Variants in DOCK4 observed in about 807,000 individuals in gnomAD.
DOCK4 encodes the protein dedicator of cytokinesis protein 4.
Under a neutral mutation model 268.1 loss-of-function variants are expected in DOCK4, and 97 were observed. The ratio of observed to expected loss-of-function variants is 0.36; its 90% CI spans 0.31 to 0.43. The LOEUF (loss-of-function observed/expected upper bound fraction) is 0.43, where lower values mean the gene tolerates loss of function less well. DOCK4 is among the 20% of genes least tolerant of loss of function. DOCK4 has a pLI of 1.00. For missense variants in DOCK4, 2,145 were observed against 2,455.7 expected (o/e 0.87, Z 2.67); for synonymous variants, 954 against 887.2 (o/e 1.08, Z -1.34).
chr7:111,943,378 T>C (rs926068119), intron 10 of DOCK4, among the ~76,000 whole-genome samples: 6 of 152,174 alleles, frequency 3.9e-5, no homozygotes, highest in Admixed American at 3.3e-4. Context: ...TTGCTGCATG[T>C]TTTTTTACCA....
intron 15 of DOCK4, among the ~76,000 whole-genome samples, chr7:111,896,503 T>C (rs73715294): frequency 5.3e-5 from 8 of 151,614 alleles, no homozygotes; most frequent in African/African-American, 1.2e-4. Flanking sequence ...TTTTTTTTTT[T>C]TTTCCTCCAA....
intron 1 of DOCK4, among the ~76,000 whole-genome samples, chr7:112,099,826 G>C (rs259304): frequency 0.38 from 58,439 of 151,900 alleles, 11,494 homozygotes; most frequent in Non-Finnish European, 0.43. Flanking sequence ...GGTATTTGAA[G>C]CCATTATAAC....
In DOCK4 at chr7:112,123,900, A is replaced by C. The variant is rs535171485; in HGVS notation, c.37+82202T>G. Among the ~76,000 whole-genome samples the C allele has an allele frequency of 1.1e-4, 16 of 152,354 alleles. No homozygotes were observed. The South Asian group carries it at 2.9e-3, about 28-fold the overall frequency. On this transcript the variant is annotated intron_variant, in intron 1 of 52. Coordinates refer to ENST00000428084, the MANE Select transcript of DOCK4 (RefSeq NM_001363540.2). ...GATAAAAGGGATCTAACTAGAAGTA[A>C]CAGAAGGACTGTCTATAGTTATATG...
At chr7:111,896,013 C>CA (rs749152767) in intron 15 of DOCK4, among the ~76,000 whole-genome samples, 5 of 152,240 alleles carry the variant, frequency 3.3e-5, no homozygotes, top group South Asian at 4.1e-4. Context: ...CCCAAAGTCC[C>CA]ATTGAGGGCA....
At chr7:111,760,574 T>G (rs1300136817) in intron 39 of DOCK4, among the ~76,000 whole-genome samples, 1 of 152,164 alleles carries the variant, frequency 6.6e-6, no homozygotes, top group African/African-American at 2.4e-5. Flanking sequence ...TTGCATGAGG[T>G]GCAAAGAGGT....
intron 23 of DOCK4, among the ~76,000 whole-genome samples, chr7:111,847,679 C>CT (rs1169618561): frequency 6.6e-6 from 1 of 152,182 alleles, no homozygotes; most frequent in Non-Finnish European, 1.5e-5. Context: ...TCCCTTTTCA[C>CT]TTGGCTTCAT....
chr7:111,995,785 A>G (rs1801869622), intron 4 of DOCK4, among the ~76,000 whole-genome samples: 1 of 152,168 alleles, frequency 6.6e-6, no homozygotes, highest in South Asian at 2.1e-4. Context: ...ACAGAGTTTC[A>G]TCTCCTCATT....
chr7:111,932,317 A>G (rs1192858529), intron 12 of DOCK4, among the ~76,000 whole-genome samples: 1 of 152,216 alleles, frequency 6.6e-6, no homozygotes, highest in Non-Finnish European at 1.5e-5. Flanking sequence ...ACTACATGTG[A>G]AAAGTCAGAA....
intron 1 of DOCK4, among the ~76,000 whole-genome samples, chr7:112,164,866 GTAC>G (rs1817452473): frequency 6.6e-6 from 1 of 152,170 alleles, no homozygotes; most frequent in African/African-American, 2.4e-5. Context: ...CCACTACAGA[GTAC>G]TGGGAAAATG....
intron 30 of DOCK4, among the ~76,000 whole-genome samples, chr7:111,802,996 C>T (rs1030401697): frequency 6.6e-6 from 1 of 152,082 alleles, no homozygotes; most frequent in Non-Finnish European, 1.5e-5. Context: ...CTTTATCACA[C>T]CTAAAAAAGA....
At chr7:112,166,660 T>C (rs1429358467) in intron 1 of DOCK4, among the ~76,000 whole-genome samples, 1 of 152,112 alleles carries the variant, frequency 6.6e-6, no homozygotes, top group African/African-American at 2.4e-5. Flanking sequence ...CTAGAACTAT[T>C]AGTATTTTTT....
At chr7:111,987,237 G>GT (rs1176128017) in intron 6 of DOCK4, among the ~76,000 whole-genome samples, 1 of 152,100 alleles carries the variant, frequency 6.6e-6, no homozygotes, top group African/African-American at 2.4e-5. Flanking sequence ...CAGAACTTAC[G>GT]TAAGTCAAAA....
intron 1 of DOCK4, among the ~76,000 whole-genome samples, chr7:112,067,217 ATCAGAAAAAAAAAACAC>A (rs2135643316): frequency 6.7e-6 from 1 of 149,992 alleles, no homozygotes; most frequent in African/African-American, 2.5e-5. Context: ...TATATTTATA[ATCAGAAAAAAAAAACAC>A]CTTTACTTAA....
intron 1 of DOCK4, among the ~76,000 whole-genome samples, chr7:112,122,681 ATT>A (rs776311573): frequency 5.9e-5 from 9 of 152,004 alleles, no homozygotes; most frequent in Non-Finnish European, 1.3e-4. Flanking sequence ...ATATATTTGA[ATT>A]TGTCATTTTT....
chr7:111,952,774 C>T (rs915141382), intron 8 of DOCK4, among the ~76,000 whole-genome samples: 3 of 152,090 alleles, frequency 2.0e-5, no homozygotes, highest in Admixed American at 1.3e-4. Context: ...CCAAGAAGAA[C>T]AATAACAACA....
chr7:111,748,981 T>C (rs932169880), intron 42 of DOCK4, among the ~76,000 whole-genome samples: 10 of 152,156 alleles, frequency 6.6e-5, no homozygotes, highest in African/African-American at 2.2e-4. Context: ...ACAAGTAGTA[T>C]GTTATATAAC....
At chr7:111,758,532 C>A in intron 41 of DOCK4, 92 bp downstream of exon 41, 1 of 1,393,892 alleles carries the variant, frequency 7.2e-7, no homozygotes, top group Non-Finnish European at 9.9e-7. Flanking sequence ...TGTCACTTGA[C>A]ACTATTCTGA....
intron 1 of DOCK4, among the ~76,000 whole-genome samples, chr7:112,152,040 A>C (rs1049582208): frequency 1.3e-5 from 2 of 152,074 alleles, no homozygotes; most frequent in African/African-American, 4.8e-5. Context: ...TTTGAGACAG[A>C]GGAAAAAACC....
chr7:111,737,828 A>AAATT (rs1192356293), intron 49 of DOCK4, among the ~76,000 whole-genome samples: 1 of 152,206 alleles, frequency 6.6e-6, no homozygotes, highest in Non-Finnish European at 1.5e-5. Flanking sequence ...ACAAACTGAG[A>AAATT]AATTCCCTTG....
Sources: gnomAD v4.1 joint callset for allele counts (sites outside exome capture counted in the v4.1 genomes callset) on GRCh38, gnomAD v4.1.1 for gene constraint, MANE v1.5 for transcripts, NCBI Gene and HGNC (gene_info 2026-07-23, HGNC 2026-07-21) for gene names.